GREB1L: variants seen among roughly 807,000 people sequenced by gnomAD.
GREB1L encodes the protein GREB1-like protein.
In GREB1L, 17 loss-of-function variants were observed where a neutral mutation model predicts 200.8. The observed-to-expected ratio is 0.08, with a 90% CI of 0.06 to 0.13. GREB1L has a LOEUF of 0.13. Ranked by LOEUF, GREB1L falls within the 10% of genes least tolerant of loss-of-function variation. The pLI is 1.00. For synonymous variants in GREB1L, 789 were observed against 893.0 expected (o/e 0.88, Z 2.08); for missense variants, 1,657 against 2,367.7 (o/e 0.70, Z 6.23).
chr18:21,516,565 G>A, intron 29 of GREB1L, 48 bp from the exon 30 acceptor site: 2 of 1,519,914 alleles, frequency 1.3e-6, no homozygotes, highest in Non-Finnish European at 1.8e-6. Flanking sequence ...AGTTATCATG[G>A]TTGAGATATG....
intron 7 of GREB1L, among the ~76,000 whole-genome samples, chr18:21,420,243 G>A (rs1402888900): frequency 6.6e-6 from 1 of 151,896 alleles, no homozygotes; most frequent in Non-Finnish European, 1.5e-5. Flanking sequence ...ATGGTGGCGG[G>A]TGCCTGTAAT....
intron 1 of GREB1L, among the ~76,000 whole-genome samples, chr18:21,350,469 C>T (rs1467841665): frequency 6.6e-6 from 1 of 151,908 alleles, no homozygotes; most frequent in East Asian, 1.9e-4. Flanking sequence ...GAACTCCTGA[C>T]CTCAGGTGAT....
intron 1 of GREB1L, among the ~76,000 whole-genome samples, chr18:21,256,772 G>A (rs2037805103): frequency 6.6e-6 from 1 of 152,006 alleles, no homozygotes; most frequent in Non-Finnish European, 1.5e-5. Flanking sequence ...TTGGGAGGCC[G>A]AGGCAGGCAG....
At chr18:21,388,149 A>G (rs1253338743) in intron 4 of GREB1L, among the ~76,000 whole-genome samples, 2 of 152,190 alleles carry the variant, frequency 1.3e-5, no homozygotes, top group African/African-American at 4.8e-5. Context: ...CCCTGTTCCT[A>G]GACACAGCCC....
At chr18:21,448,210 G>GTA (rs1220368085) in intron 11 of GREB1L, among the ~76,000 whole-genome samples, 1 of 150,270 alleles carries the variant, frequency 6.7e-6, no homozygotes, top group Non-Finnish European at 1.5e-5. Flanking sequence ...CAGACATAAT[G>GTA]TATACATTAC....
At chr18:21,290,824 C>CAAAAA (rs752840997) in intron 1 of GREB1L, among the ~76,000 whole-genome samples, 1 of 63,234 alleles carries the variant, frequency 1.6e-5, no homozygotes. Flanking sequence ...GACTCTGTCT[C>CAAAAA]AAAAAAAAAA....
At chr18:21,421,233 C>T (rs1168153169) in intron 7 of GREB1L, among the ~76,000 whole-genome samples, 2 of 152,012 alleles carry the variant, frequency 1.3e-5, no homozygotes, top group Non-Finnish European at 2.9e-5. Context: ...GTCAAACTTA[C>T]CAAATTGTGT....
At chr18:21,439,955 C>G (rs554350346) in intron 8 of GREB1L, among the ~76,000 whole-genome samples, 22 of 152,336 alleles carry the variant, frequency 1.4e-4, no homozygotes, top group South Asian at 6.2e-4. Flanking sequence ...TTTCCTTTCT[C>G]CTTTTACAAA....
chr18:21,359,257 C>T (rs2039549007), intron 1 of GREB1L, among the ~76,000 whole-genome samples: 1 of 152,196 alleles, frequency 6.6e-6, no homozygotes, highest in Admixed American at 6.5e-5. Flanking sequence ...CGAGACCAGC[C>T]TGGCCAACAT....
chr18:21,407,913 A>T (rs2030463861), intron 7 of GREB1L, among the ~76,000 whole-genome samples: 1 of 152,160 alleles, frequency 6.6e-6, no homozygotes, highest in Non-Finnish European at 1.5e-5. Flanking sequence ...GGAGCTAAAA[A>T]CAGTTGATTT....
At chr18:21,301,922 G>A (rs894410528) in intron 1 of GREB1L, among the ~76,000 whole-genome samples, 13 of 152,204 alleles carry the variant, frequency 8.5e-5, no homozygotes, top group African/African-American at 2.9e-4. Context: ...CGAGGAATTG[G>A]AAGGAGGTTG....
At chr18:21,450,027 G>A (rs1253009585) in intron 12 of GREB1L, among the ~76,000 whole-genome samples, 191 bp downstream of exon 12, 1 of 152,034 alleles carries the variant, frequency 6.6e-6, no homozygotes, top group Non-Finnish European at 1.5e-5. Context: ...CCTCAGTTTG[G>A]CTGGTGCCCC....
chr18:21,409,625 A>C (rs1337899589), intron 7 of GREB1L, among the ~76,000 whole-genome samples: 1 of 152,228 alleles, frequency 6.6e-6, no homozygotes, highest in African/African-American at 2.4e-5. Flanking sequence ...AGTTTAATAC[A>C]ATCTAATTTA....
intron 6 of GREB1L, 68 bp downstream of exon 6, chr18:21,401,394 A>G: frequency 7.6e-7 from 1 of 1,311,274 alleles, no homozygotes; most frequent in Non-Finnish European, 1.0e-6. Flanking sequence ...TGACCCATAC[A>G]AGATTCAGAG....
intron 15 of GREB1L, among the ~76,000 whole-genome samples, chr18:21,470,845 C>A (rs577652103): frequency 6.6e-6 from 1 of 152,062 alleles, no homozygotes; most frequent in Non-Finnish European, 1.5e-5. Flanking sequence ...TATCTCTATA[C>A]TTTCCAGTTT....
intron 1 of GREB1L, among the ~76,000 whole-genome samples, chr18:21,284,346 T>A (rs943268883): frequency 1.3e-4 from 20 of 152,030 alleles, no homozygotes; most frequent in African/African-American, 4.3e-4. Context: ...ACTCCCCAAA[T>A]CCCCTAGTCC....
Position 21,262,472 on chromosome 18 carries a change from G to A in GREB1L, c.-120+20079G>A, listed in dbSNP as rs138000381. Among the ~76,000 whole-genome samples, 1,048 of 152,180 alleles carry A rather than the reference G, an allele frequency of 6.9e-3. 8 individuals are homozygous for A. The Middle Eastern group carries it at 0.071, about 10-fold the overall frequency. ...TTTATAAAATTTTTTATAAGATTAC[G>A]TGCTTAGAGATACTTTTGCTCCGTT... On this transcript the variant is annotated intron_variant, in intron 1 of 32. Transcript: ENST00000424526.
At chr18:21,508,713 C>G in intron 27 of GREB1L, 122 bp downstream of exon 27, 7 of 354,098 alleles carry the variant, frequency 2.0e-5, no homozygotes, top group South Asian at 3.9e-5. Flanking sequence ...CACCACTCTT[C>G]GGAAAAAAAA....
chr18:21,312,195 T>C lies in GREB1L; in HGVS notation c.-119-53832T>C, dbSNP rs138669864. 2.5e-4 allele frequency among the ~76,000 whole-genome samples: 38 copies of C among 152,314 alleles called. No individual in the cohort carries two copies. In the East Asian group the frequency reaches 6.0e-3, roughly 24 times the overall value. ...GCTGCATGGTATTCCATGGTGTATG[T>C]TTAACACATTTTCTTTATCCAGTTC... On this transcript the variant is annotated intron_variant, in intron 1 of 32. Transcript: ENST00000424526.
Sources: allele counts gnomAD v4.1 joint callset (sites outside exome capture counted in the v4.1 genomes callset), GRCh38; gene constraint gnomAD v4.1.1; transcripts MANE v1.5; gene names NCBI Gene and HGNC (gene_info 2026-07-23, HGNC 2026-07-21).